Variants in SSBP2 observed in about 807,000 individuals in gnomAD.
SSBP2 encodes the protein single-stranded DNA-binding protein 2.
A neutral mutation model predicts 61.8 loss-of-function variants in SSBP2; 17 were observed. The observed-to-expected ratio is 0.28, with a 90% confidence interval of 0.19 to 0.41. SSBP2 has a LOEUF of 0.41. SSBP2 is among the 10% of genes least tolerant of loss of function. The pLI is 1.00. For synonymous variants in SSBP2, 139 were observed against 141.3 expected (o/e 0.98, Z 0.12); for missense variants, 310 against 458.7 (o/e 0.68, Z 2.96).
At chr5:81,718,801 G>A (rs572291613) in intron 1 of SSBP2, among the ~76,000 whole-genome samples, 9 of 152,262 alleles carry the variant, frequency 5.9e-5, no homozygotes, top group South Asian at 2.1e-4. Flanking sequence ...ACTGATTAGC[G>A]TCTTCCATGA....
intron 2 of SSBP2, 77 bp from the exon 3 acceptor site, chr5:81,636,695 T>C: frequency 9.4e-7 from 1 of 1,059,872 alleles, no homozygotes; most frequent in East Asian, 2.6e-5. Context: ...AATATCCCCA[T>C]TTAAAATACT....
intron 4 of SSBP2, among the ~76,000 whole-genome samples, chr5:81,559,250 G>T (rs1207858380): frequency 6.6e-6 from 1 of 152,214 alleles, no homozygotes; most frequent in South Asian, 2.1e-4. Context: ...AGCCGGGCGT[G>T]GTGGGCCGTG....
chr5:81,522,839 T>A lies in SSBP2; in HGVS notation c.283-9122A>T, dbSNP rs555004834. ...CTGTGCTACTTTTTTTGGTCTGTTT[T>A]TCAATCACAAAAATATTTTACATGT... On this transcript the variant is annotated intron_variant, in intron 4 of 16. Transcript: ENST00000320672. Among the ~76,000 whole-genome samples the A allele has an allele frequency of 2.9e-3, 437 of 152,194 alleles. 2 individuals carry two copies. The highest frequency in any genetic ancestry group is 9.2e-3 in the African/African-American group (383 of 41,558).
intron 10 of SSBP2, among the ~76,000 whole-genome samples, chr5:81,455,247 G>A (rs1237412241): frequency 2.6e-5 from 4 of 152,050 alleles, no homozygotes; most frequent in African/African-American, 9.7e-5. Context: ...GCTCAGTTGT[G>A]TTATTCCCAT....
chr5:81,562,528 A>G (rs1434398442), intron 4 of SSBP2, among the ~76,000 whole-genome samples: 1 of 152,222 alleles, frequency 6.6e-6, no homozygotes, highest in Non-Finnish European at 1.5e-5. Context: ...ATACAATGTA[A>G]ATATGATATA....
At chr5:81,751,395 TAGA>T (rs1412645174), upstream of SSBP2, 7 of 372,488 alleles carry the variant, frequency 1.9e-5, no homozygotes, top group Non-Finnish European at 2.5e-5. Context: ...GAAACTGCTC[TAGA>T]AGGATTTTAA....
At chr5:81,642,076 T>C (rs1748839926) in intron 2 of SSBP2, among the ~76,000 whole-genome samples, 1 of 152,224 alleles carries the variant, frequency 6.6e-6, no homozygotes, top group African/African-American at 2.4e-5. Flanking sequence ...TTTTGTTTTT[T>C]AGCAAATATG....
At chr5:81,635,200 G>A (rs1464365241) in intron 3 of SSBP2, among the ~76,000 whole-genome samples, 4 of 150,710 alleles carry the variant, frequency 2.7e-5, no homozygotes, top group African/African-American at 9.8e-5. Flanking sequence ...ATAAAGGTAT[G>A]AACATAACTT....
At chr5:81,442,853 A>G (rs899851370) in intron 12 of SSBP2, 130 bp from the exon 13 acceptor site, 1 of 439,380 alleles carries the variant, frequency 2.3e-6, no homozygotes, top group Non-Finnish European at 4.0e-6. Flanking sequence ...TGAAATTGTC[A>G]TTACTAAAAA....
At chr5:81,506,360 A>AT (rs1400164060) in intron 5 of SSBP2, among the ~76,000 whole-genome samples, 1 of 152,102 alleles carries the variant, frequency 6.6e-6, no homozygotes, top group Non-Finnish European at 1.5e-5. Flanking sequence ...TAACGTCTGA[A>AT]TTTTTTTAAA....
intron 1 of SSBP2, among the ~76,000 whole-genome samples, chr5:81,690,009 G>C (rs1263976940): frequency 1.3e-5 from 2 of 152,114 alleles, no homozygotes; most frequent in Non-Finnish European, 2.9e-5. Context: ...TATGCAATCA[G>C]TGTTAAGTTT....
Position 81,542,817 on chromosome 5 carries a change from T to TTCTCTCCCTC in SSBP2, c.283-29101_283-29100insGAGGGAGAGA, listed in dbSNP as rs1771385181. On this transcript the variant is annotated intron_variant, in intron 4 of 16. Coordinates refer to ENST00000320672, the MANE Select transcript of SSBP2 (RefSeq NM_012446.5). ...ATGGTTTTTATAAGTATTTGACAGT[T>TTCTCTCCCTC]TCTCTCTCTCTCTCTCTCTCTCTCT... Among the ~76,000 whole-genome samples the TTCTCTCCCTC allele has an allele frequency of 2.1e-4, 22 of 106,792 alleles. No homozygotes were observed. In the South Asian group the frequency reaches 6.9e-3, roughly 33 times the overall value. 70.1% of individuals were successfully genotyped at this position (106,792 alleles called of 152,430 possible). A position where few individuals can be genotyped will look rare whatever the true frequency, so the allele number is the denominator to read the frequency against.
chr5:81,524,045 G>C (rs1334508124), intron 4 of SSBP2, among the ~76,000 whole-genome samples: 3 of 151,958 alleles, frequency 2.0e-5, no homozygotes, highest in African/African-American at 7.3e-5. Flanking sequence ...GCTTCTATTT[G>C]AGAGTCTAGG....
At chr5:81,477,620 C>G (rs1294682098) in intron 6 of SSBP2, among the ~76,000 whole-genome samples, 2 of 151,916 alleles carry the variant, frequency 1.3e-5, no homozygotes, top group Non-Finnish European at 1.5e-5. Flanking sequence ...CCCGCCCCAC[C>G]CCCCACACCC....
intron 4 of SSBP2, among the ~76,000 whole-genome samples, chr5:81,545,314 A>G (rs1209348454): frequency 6.6e-6 from 1 of 152,224 alleles, no homozygotes; most frequent in Non-Finnish European, 1.5e-5. Context: ...AGACTGTGAC[A>G]TAAGGTAAGA....
chr5:81,742,893 T>C (rs1757122151), intron 1 of SSBP2, among the ~76,000 whole-genome samples: 1 of 151,882 alleles, frequency 6.6e-6, no homozygotes, highest in African/African-American at 2.4e-5. Flanking sequence ...AAAATAATAA[T>C]ACAAATAATT....
chr5:81,640,401 A>C (rs1748679036), intron 2 of SSBP2, among the ~76,000 whole-genome samples: 2 of 152,260 alleles, frequency 1.3e-5, no homozygotes, highest in Admixed American at 1.3e-4. Context: ...TAAAAGGAAA[A>C]ATTCCAGGGA....
intron 6 of SSBP2, 66 bp from the exon 7 acceptor site, chr5:81,474,628 A>G (rs1765467017): frequency 8.3e-7 from 1 of 1,200,872 alleles, no homozygotes; most frequent in Non-Finnish European, 1.2e-6. Context: ...TTTTTTAACA[A>G]TTTCCTTTTA....
At chr5:81,541,065 A>T (rs1179969678) in intron 4 of SSBP2, among the ~76,000 whole-genome samples, 1 of 152,346 alleles carries the variant, frequency 6.6e-6, no homozygotes, top group South Asian at 2.1e-4. Flanking sequence ...ACATCAGCAC[A>T]GTTTCAGGAT....
Sources: allele counts gnomAD v4.1 joint callset (sites outside exome capture counted in the v4.1 genomes callset), GRCh38; gene constraint gnomAD v4.1.1; transcripts MANE v1.5; gene names NCBI Gene and HGNC (gene_info 2026-07-23, HGNC 2026-07-21).